The following TMCO6 variants were observed in gnomAD, a reference collection of about 807,000 sequenced individuals.
TMCO6 encodes the protein transmembrane and coiled-coil domain-containing protein 6.
TMCO6 carries 47 observed loss-of-function variants against 61.8 expected under a neutral mutation model. The ratio of observed to expected loss-of-function variants is 0.76; its 90% CI spans 0.60 to 0.97. The LOEUF is 0.97. Among genes scored for constraint, TMCO6 ranks in the 50% least tolerant of loss-of-function variants. TMCO6 has a pLI of 0.00. For missense variants in TMCO6, 557 were observed against 601.6 expected, an observed-to-expected ratio of 0.93 and a Z score of 0.78; for synonymous variants, 261 against 254.2, an observed-to-expected ratio of 1.03 and a Z score of -0.25.
At chr5:140,633,263 C>G in the TMCO6 span, 23 of 692,884 alleles carry the variant, frequency 3.3e-5, no homozygotes, top group East Asian at 4.6e-4. Flanking sequence ...CTCCCCACCT[C>G]TCTTCCTCCG....
the TMCO6 span, among the ~76,000 whole-genome samples, chr5:140,615,117 T>C: frequency 6.6e-6 from 1 of 152,032 alleles, no homozygotes; most frequent in Non-Finnish European, 1.5e-5. Context: ...GGATACAAAA[T>C]CAACACTGAA....
chr5:140,639,631 G>A lies in TMCO6; in HGVS notation c.85+19G>A. ...GAGGCAGGTGTGGGCGGCCGAGGGA[G>A]CGCGGGGGTATATGGCGGTCGGGGA... On this transcript the variant is annotated intron_variant, in intron 1 of 11. Transcript: ENST00000394671. The A allele has an allele frequency of 6.5e-7, 1 of 1,540,536 alleles. No individual in the cohort carries two copies. Among genetic ancestry groups the A allele is most frequent in the Non-Finnish European group, 8.8e-7 (1 of 1,141,274 alleles).
the TMCO6 span, among the ~76,000 whole-genome samples, chr5:140,603,926 A>G: frequency 7.9e-5 from 12 of 152,214 alleles, no homozygotes; most frequent in Non-Finnish European, 1.6e-4. Flanking sequence ...AGCTGTTTCC[A>G]GAGTAGCTGC....
At chr5:140,608,687 G>A in the TMCO6 span, among the ~76,000 whole-genome samples, 1 of 152,148 alleles carries the variant, frequency 6.6e-6, no homozygotes, top group Non-Finnish European at 1.5e-5. Context: ...ATGATTTGAG[G>A]TAAGGGTCCA....
the TMCO6 span, among the ~76,000 whole-genome samples, chr5:140,602,356 C>T: frequency 3.3e-5 from 5 of 152,242 alleles, no homozygotes; most frequent in South Asian, 2.1e-4. Context: ...GCCTCAACAC[C>T]GCCCTACACA....
At chr5:140,599,794 G>A in the TMCO6 span, among the ~76,000 whole-genome samples, 3 of 152,106 alleles carry the variant, frequency 2.0e-5, no homozygotes, top group Admixed American at 6.6e-5. Flanking sequence ...CCAGCTAGTC[G>A]GGAGGCTGAG....
At chr5:140,639,274 G>A, upstream of TMCO6, 1 of 478,980 alleles carries the variant, frequency 2.1e-6, no homozygotes, top group Non-Finnish European at 3.7e-6. Context: ...TGGTAAGACA[G>A]GAAATCAATC....
At chr5:140,631,927 C>T in the TMCO6 span, 4 of 1,608,656 alleles carry the variant, frequency 2.5e-6, no homozygotes, top group Non-Finnish European at 3.4e-6. Flanking sequence ...GTCGAACGTG[C>T]ACAGGCTGGG....
downstream of TMCO6, chr5:140,647,461 G>C (rs754394533): frequency 1.3e-5 from 21 of 1,610,514 alleles, no homozygotes; most frequent in Non-Finnish European, 1.8e-5. Context: ...AAGCCCGCCC[G>C]CCTCACCACG....
chr5:140,640,243 T>C (rs950739876), intron 2 of TMCO6, among the ~76,000 whole-genome samples: 5 of 152,204 alleles, frequency 3.3e-5, no homozygotes, highest in African/African-American at 1.2e-4. Context: ...TAGCATGGTC[T>C]AGCCTCTTCC....
At chr5:140,615,312 A>C in the TMCO6 span, among the ~76,000 whole-genome samples, 1 of 152,348 alleles carries the variant, frequency 6.6e-6, no homozygotes, top group East Asian at 1.9e-4. Flanking sequence ...AAATAAACAG[A>C]AAGTTAATCC....
At chr5:140,613,845 T>C in the TMCO6 span, among the ~76,000 whole-genome samples, 1 of 152,094 alleles carries the variant, frequency 6.6e-6, no homozygotes, top group South Asian at 2.1e-4. Flanking sequence ...AGCACAGGGA[T>C]TACAGGCATG....
At chr5:140,633,042 C>T in the TMCO6 span, 7 of 1,613,594 alleles carry the variant, frequency 4.3e-6, no homozygotes, top group Non-Finnish European at 5.9e-6. Flanking sequence ...GAGTGGCACG[C>T]GTTCGACCCC....
the TMCO6 span, among the ~76,000 whole-genome samples, chr5:140,631,050 G>A: frequency 6.6e-6 from 1 of 152,218 alleles, no homozygotes; most frequent in Admixed American, 6.5e-5. Flanking sequence ...AGTCTGAGAT[G>A]CTTTCCTATT....
At chr5:140,631,755 G>A in the TMCO6 span, 19 of 1,095,250 alleles carry the variant, frequency 1.7e-5, no homozygotes, top group South Asian at 3.0e-4. Context: ...TTTAATAAAG[G>A]TGGGGCAAAG....
the TMCO6 span, among the ~76,000 whole-genome samples, chr5:140,623,340 C>T: frequency 1.3e-5 from 2 of 152,156 alleles, no homozygotes; most frequent in Admixed American, 1.3e-4. Context: ...TAATGCATGT[C>T]TCAATTAATT....
At chr5:140,647,655 T>A, downstream of TMCO6, 1 of 1,559,182 alleles carries the variant, frequency 6.4e-7, no homozygotes, top group East Asian at 2.3e-5. Flanking sequence ...CCGCGGACCC[T>A]AAAGCCTAGC....
chr5:140,633,077 A>G, the TMCO6 span: 16 of 1,614,148 alleles, frequency 9.9e-6, no homozygotes, highest in African/African-American at 1.3e-5. Context: ...ACCATGGTCG[A>G]TAAGTCTTCC....
chr5:140,641,900 G>A lies in TMCO6; in HGVS notation c.345G>A (p.Gly115=), dbSNP rs1389913851. 2.5e-6 allele frequency: 4 copies of A among 1,613,104 alleles called. No homozygotes were observed. The East Asian group carries it at 6.7e-5, about 27-fold the overall frequency. The change falls in exon 4 of 12, where the codon GGG becomes GGA. Residue 115 remains glycine (G), a synonymous_variant. Transcript: ENST00000394671. ...AGGGCAGCATGCGGACCCTGGTCGG[G>A]CTCCTGACCAGCAACCAGGCCCTGC... ...RLEGSMRTLV[G]LLTSNQALLQ...
Sources: allele counts gnomAD v4.1 joint callset (sites outside exome capture counted in the v4.1 genomes callset), GRCh38; gene constraint gnomAD v4.1.1; transcripts MANE v1.5; gene names NCBI Gene and HGNC (gene_info 2026-07-23, HGNC 2026-07-21).